Variants in CDH10 observed in about 807,000 individuals in gnomAD.
The protein encoded by CDH10 is cadherin 10.
Under a neutral mutation model 73.1 loss-of-function variants are expected in CDH10, and 30 were observed. The observed-to-expected ratio is 0.41, with a 90% CI of 0.31 to 0.56. The LOEUF (loss-of-function observed/expected upper bound fraction) is 0.56. Among genes scored for constraint, CDH10 ranks in the 20% least tolerant of loss-of-function variants. CDH10 has a pLI of 0.27. For missense variants in CDH10, 815 were observed against 973.7 expected, an observed-to-expected ratio of 0.84 and a Z score of 2.17; for synonymous variants, 345 against 348.2, an observed-to-expected ratio of 0.99 and a Z score of 0.10.
chr5:24,488,716 A>G (rs1443223352), intron 11 of CDH10, among the ~76,000 whole-genome samples: 1 of 152,118 alleles, frequency 6.6e-6, no homozygotes, highest in African/African-American at 2.4e-5. Flanking sequence ...ATTATTGGAA[A>G]AAAAACAGAT....
At chr5:24,560,200 TTGTGTGTGTG>T (rs70965615) in intron 2 of CDH10, among the ~76,000 whole-genome samples, 95,017 of 148,232 alleles carry the variant, frequency 0.64, 32,161 homozygotes, top group East Asian at 0.75. Flanking sequence ...ATATTTGCAA[TTGTGTGTGTG>T]TGTGTGTGTG....
At chr5:24,532,139 T>C (rs1002459859) in intron 5 of CDH10, among the ~76,000 whole-genome samples, 1 of 152,102 alleles carries the variant, frequency 6.6e-6, no homozygotes, top group Non-Finnish European at 1.5e-5. Flanking sequence ...TTTTCATTTG[T>C]CTCTGTCTCC....
chr5:24,602,501 AATG>A (rs1403610965), intron 1 of CDH10, among the ~76,000 whole-genome samples: 2 of 152,036 alleles, frequency 1.3e-5, no homozygotes, highest in African/African-American at 2.4e-5. Context: ...TCTGTGTTTA[AATG>A]ATATTTCCTG....
chr5:24,502,071 C>T (rs1742518482), intron 8 of CDH10, among the ~76,000 whole-genome samples: 1 of 148,576 alleles, frequency 6.7e-6, no homozygotes, highest in Admixed American at 6.8e-5. Context: ...AGGTGCCCGC[C>T]ACTACGTCCG....
intron 5 of CDH10, among the ~76,000 whole-genome samples, chr5:24,526,788 G>A (rs374016176): frequency 1.6e-4 from 25 of 151,782 alleles, no homozygotes; most frequent in African/African-American, 5.3e-4. Flanking sequence ...GATGCTGTCC[G>A]AAAAAAGATC....
chr5:24,520,888 G>A lies in CDH10; in HGVS notation c.815-9374C>T, dbSNP rs528155122. Among the ~76,000 whole-genome samples the A allele has an allele frequency of 1.2e-4, 14 of 115,266 alleles. No individual in the cohort carries two copies. In the South Asian group the frequency reaches 1.8e-3, roughly 15 times the overall value. 75.6% of individuals were successfully genotyped at this position (115,266 alleles called of 152,430 possible). ...ATTACAGGCATGTGCCACTGCACCC[G>A]GCAAATTTTTTTTTTGTATTTTTAG... On this transcript the variant is annotated intron_variant, in intron 5 of 11. Coordinates refer to ENST00000264463, the MANE Select transcript of CDH10 (RefSeq NM_006727.5).
At chr5:24,574,558 C>T (rs1745525237) in intron 2 of CDH10, among the ~76,000 whole-genome samples, 1 of 151,952 alleles carries the variant, frequency 6.6e-6, no homozygotes, top group Non-Finnish European at 1.5e-5. Context: ...GGTGTCACTA[C>T]TTGAGATCTG....
chr5:24,547,650 A>G (rs975817582), intron 2 of CDH10, among the ~76,000 whole-genome samples: 6 of 152,168 alleles, frequency 3.9e-5, no homozygotes, highest in Admixed American at 2.0e-4. Flanking sequence ...TAATATAATT[A>G]CCCACATTTC....
chr5:24,607,609 T>C (rs1228545822), intron 1 of CDH10, among the ~76,000 whole-genome samples: 1 of 152,212 alleles, frequency 6.6e-6, no homozygotes, highest in Non-Finnish European at 1.5e-5. Flanking sequence ...GAATTTTAAG[T>C]ATTATATTAT....
chr5:24,493,636 ATATG>A (rs1742148593), intron 9 of CDH10, among the ~76,000 whole-genome samples: 1 of 151,912 alleles, frequency 6.6e-6, no homozygotes, highest in African/African-American at 2.4e-5. Context: ...TGATGTATAT[ATATG>A]TAATAGGTAG....
chr5:24,535,015 G>T (rs1026367078), intron 5 of CDH10, 97 bp downstream of exon 5: 5 of 1,113,338 alleles, frequency 4.5e-6, no homozygotes, highest in African/African-American at 3.2e-5. Flanking sequence ...TAAATTAAAT[G>T]AATGACAATT....
chr5:24,587,241 T>A (rs764272660), intron 2 of CDH10, among the ~76,000 whole-genome samples: 7 of 152,216 alleles, frequency 4.6e-5, no homozygotes, highest in Admixed American at 6.5e-5. Flanking sequence ...CTCCCTCCTA[T>A]TCATGCTTTC....
intron 2 of CDH10, among the ~76,000 whole-genome samples, chr5:24,584,800 T>A (rs2319467): frequency 0.7 from 106,333 of 151,356 alleles, 38,024 homozygotes; most frequent in South Asian, 0.8. Context: ...ACATCATAAT[T>A]TATCTTACCT....
intron 2 of CDH10, among the ~76,000 whole-genome samples, chr5:24,537,935 T>A (rs1744018203): frequency 1.3e-5 from 2 of 152,112 alleles, no homozygotes; most frequent in Admixed American, 6.6e-5. Context: ...CTTTGCTTGG[T>A]AAATATTCAT....
intron 8 of CDH10, 86 bp downstream of exon 8, chr5:24,505,026 A>G: frequency 1.1e-6 from 1 of 933,208 alleles, no homozygotes; most frequent in Non-Finnish European, 1.6e-6. Flanking sequence ...AATGTAAAAT[A>G]AAACCTATAA....
intron 2 of CDH10, among the ~76,000 whole-genome samples, chr5:24,569,986 G>A (rs1311814159): frequency 6.6e-6 from 1 of 151,910 alleles, no homozygotes; most frequent in Non-Finnish European, 1.5e-5. Flanking sequence ...GGCTGTTCTC[G>A]AACTCCTAAC....
At chr5:24,553,924 A>G (rs1013223580) in intron 2 of CDH10, 2 of 104,272 alleles carry the variant, frequency 1.9e-5, no homozygotes, top group African/African-American at 3.5e-5. Context: ...CTGAGTTACC[A>G]TGGACGCTAT....
intron 2 of CDH10, among the ~76,000 whole-genome samples, chr5:24,541,765 C>T (rs569223457): frequency 6.6e-6 from 1 of 152,142 alleles, no homozygotes; most frequent in Admixed American, 6.6e-5. Context: ...TATGTTAATA[C>T]TGACCTTTTC....
chr5:24,500,308 A>T (rs2111697085), intron 8 of CDH10, among the ~76,000 whole-genome samples: 1 of 152,366 alleles, frequency 6.6e-6, no homozygotes, highest in Admixed American at 6.5e-5. Context: ...TACAAGGCTG[A>T]GCGAGAATAA....
Sources: allele counts gnomAD v4.1 joint callset (sites outside exome capture counted in the v4.1 genomes callset), GRCh38; gene constraint gnomAD v4.1.1; transcripts MANE v1.5; gene names NCBI Gene and HGNC (gene_info 2026-07-23, HGNC 2026-07-21).